The following NFKB1 variants were observed in gnomAD, a reference collection of about 807,000 sequenced individuals.
The protein encoded by NFKB1 is nuclear factor kappa B subunit 1.
Under a neutral mutation model 105.1 loss-of-function variants are expected in NFKB1, and 9 were observed. The observed-to-expected ratio is 0.09, with a 90% CI of 0.05 to 0.15. NFKB1 has a LOEUF of 0.15. Ranked by LOEUF, NFKB1 falls within the 10% of genes least tolerant of loss-of-function variation. The pLI is 1.00. For missense variants in NFKB1, 830 were observed against 1,203.7 expected (o/e 0.69, Z 4.59); for synonymous variants, 440 against 442.2 (o/e 1.00, Z 0.06).
chr4:102,589,730 G>A (rs988395873), intron 11 of NFKB1, among the ~76,000 whole-genome samples: 4 of 147,824 alleles, frequency 2.7e-5, no homozygotes, highest in African/African-American at 1.0e-4. Context: ...ATTGTTAAGG[G>A]TTCAGCACTA....
Position 102,597,586 on chromosome 4 carries a change from C to T in NFKB1, c.1562C>T (p.Ala521Val), listed in dbSNP as rs769204159. 3.7e-5 allele frequency: 60 copies of T among 1,613,818 alleles called. No individual in the cohort carries two copies. In the East Asian group the frequency reaches 8.0e-4, roughly 22 times the overall value. ...KRHANALFDY[A>V]VTGDVKMLLA... ...CATGCCAATGCCCTTTTCGACTACG[C>T]GGTGACAGGAGACGTGAAGATGCTG... Residue 521 changes from alanine to valine, a missense_variant, in exon 15 of 24, where the codon GCG becomes GTG. This residue lies in a region of NFKB1 where 418 missense variants were observed against 575.3 expected (regional missense o/e 0.73). Transcript: ENST00000226574.
At chr4:102,599,298 T>C (rs1245540649) in intron 15 of NFKB1, among the ~76,000 whole-genome samples, 1 of 152,134 alleles carries the variant, frequency 6.6e-6, no homozygotes, top group Admixed American at 6.5e-5. Context: ...CAAGAAGCAA[T>C]AGTGAAACCC....
At chr4:102,525,701 G>T (rs1341092847) in intron 2 of NFKB1, 144 bp downstream of exon 2, 6 of 725,662 alleles carry the variant, frequency 8.3e-6, no homozygotes, top group Non-Finnish European at 1.1e-5. Context: ...GTCCTTTCAT[G>T]TGAAGTTGGA....
chr4:102,574,981 A>G (rs1380668067), intron 6 of NFKB1, among the ~76,000 whole-genome samples: 1 of 152,230 alleles, frequency 6.6e-6, no homozygotes, highest in Non-Finnish European at 1.5e-5. Flanking sequence ...CAAAGGAGAT[A>G]ACCCCGTTTT....
At chr4:102,605,049 A>G (rs1727577334) in intron 16 of NFKB1, among the ~76,000 whole-genome samples, 1 of 151,940 alleles carries the variant, frequency 6.6e-6, no homozygotes, top group Non-Finnish European at 1.5e-5. Flanking sequence ...TAATTCCTGA[A>G]TGGTATACTA....
chr4:102,562,541 G>A (rs1200065876), intron 5 of NFKB1, among the ~76,000 whole-genome samples: 2 of 152,158 alleles, frequency 1.3e-5, no homozygotes, highest in Non-Finnish European at 2.9e-5. Flanking sequence ...TTACCTAGGT[G>A]GGAGAGAGGA....
At chr4:102,508,530 A>G (rs956497834) in intron 1 of NFKB1, among the ~76,000 whole-genome samples, 3 of 152,170 alleles carry the variant, frequency 2.0e-5, no homozygotes, top group African/African-American at 4.8e-5. Flanking sequence ...TAGGAAAAAA[A>G]TTTTTAGTGT....
At chr4:102,574,919 A>C (rs1724689619) in intron 6 of NFKB1, among the ~76,000 whole-genome samples, 1 of 152,190 alleles carries the variant, frequency 6.6e-6, no homozygotes, top group South Asian at 2.1e-4. Context: ...TGAAAAGCAT[A>C]TTATTGACAG....
chr4:102,536,475 C>T (rs1033903052), intron 4 of NFKB1, among the ~76,000 whole-genome samples: 1 of 152,108 alleles, frequency 6.6e-6, no homozygotes, highest in Non-Finnish European at 1.5e-5. Flanking sequence ...CTTTGGAAAT[C>T]AGGAAGTTTT....
intron 18 of NFKB1, 142 bp from the exon 19 acceptor site, chr4:102,607,506 TG>T: frequency 9.0e-7 from 1 of 1,108,416 alleles, no homozygotes. Context: ...CATCTCTAAC[TG>T]GGGATTTCTT....
chr4:102,601,808 A>AC (rs930034989), intron 16 of NFKB1, among the ~76,000 whole-genome samples: 10 of 152,172 alleles, frequency 6.6e-5, no homozygotes, highest in Non-Finnish European at 7.3e-5. Flanking sequence ...CTGGCATGAA[A>AC]CCAAGATGGG....
At chr4:102,595,815 GCT>G (rs1222279210) in intron 13 of NFKB1, among the ~76,000 whole-genome samples, 2 of 152,134 alleles carry the variant, frequency 1.3e-5, no homozygotes, top group East Asian at 3.8e-4. Flanking sequence ...GGAAAAAACT[GCT>G]CTGTTTTCAA....
intron 1 of NFKB1, among the ~76,000 whole-genome samples, chr4:102,519,038 A>G (rs1028418211): frequency 5.3e-5 from 8 of 152,108 alleles, no homozygotes; most frequent in Non-Finnish European, 1.0e-4. Flanking sequence ...TGGCATATAA[A>G]AAAAAGTGTG....
chr4:102,578,989 G>A lies in NFKB1; in HGVS notation c.680G>A (p.Ser227Asn). The change falls in exon 8 of 24, where the codon AGC becomes AAC. Residue 227 changes from serine to asparagine, a missense_variant. Coordinates refer to ENST00000226574, the MANE Select transcript of NFKB1 (RefSeq NM_003998.4). ...GCTTTTCTTCCGGATAGCACTGGCA[G>A]CTTCACAAGGCGCCTGGAACCCGTG... ...FTAFLPDSTG[S>N]FTRRLEPVVS... 6.2e-7 allele frequency: 1 copy of A among 1,614,084 alleles called. No homozygotes were observed. The highest frequency in any genetic ancestry group is 8.5e-7 in the Non-Finnish European group (1 of 1,179,990).
intron 16 of NFKB1, among the ~76,000 whole-genome samples, chr4:102,601,997 G>T (rs971469244): frequency 3.9e-5 from 6 of 152,094 alleles, no homozygotes; most frequent in African/African-American, 1.4e-4. Flanking sequence ...TTGGAGAGAT[G>T]GTTTGCTGGT....
chr4:102,516,010 A>C (rs1247517222), intron 1 of NFKB1, among the ~76,000 whole-genome samples: 6 of 152,124 alleles, frequency 3.9e-5, no homozygotes, highest in African/African-American at 1.4e-4. Flanking sequence ...TATTTGCTGA[A>C]TATTCTGGAC....
At chr4:102,557,235 C>CA (rs1723053296) in intron 5 of NFKB1, 1 of 152,206 alleles carries the variant, frequency 6.6e-6, no homozygotes, top group Non-Finnish European at 1.5e-5. Flanking sequence ...GAATTGCTGT[C>CA]ATTTATTTTG....
intron 1 of NFKB1, among the ~76,000 whole-genome samples, chr4:102,525,175 G>A (rs1740829241): frequency 6.6e-6 from 1 of 152,104 alleles, no homozygotes; most frequent in Non-Finnish European, 1.5e-5. Context: ...TTCAGAGGGC[G>A]ATAAAAAGAA....
intron 2 of NFKB1, among the ~76,000 whole-genome samples, chr4:102,526,986 A>T (rs1440762297): frequency 6.6e-6 from 1 of 152,038 alleles, no homozygotes; most frequent in Non-Finnish European, 1.5e-5. Flanking sequence ...ATTTGGAAGC[A>T]ATTTTCAGAC....
Sources: allele counts gnomAD v4.1 joint callset (sites outside exome capture counted in the v4.1 genomes callset), GRCh38; gene constraint gnomAD v4.1.1; regional missense constraint gnomAD v4.1.1; transcripts MANE v1.5; gene names NCBI Gene and HGNC (gene_info 2026-07-23, HGNC 2026-07-21).